The following CSMD2 variants were observed in gnomAD, a reference collection of about 807,000 sequenced individuals.
CSMD2 encodes the protein CUB and Sushi multiple domains 2, also known as CUB and sushi domain-containing protein 2.
In CSMD2, 130 loss-of-function variants were observed where a neutral mutation model predicts 398.5. The ratio of observed to expected loss-of-function variants is 0.33; its 90% CI spans 0.28 to 0.38. CSMD2 has a LOEUF of 0.38. CSMD2 is among the 10% of genes least tolerant of loss of function. CSMD2 has a pLI of 1.00. For missense variants in CSMD2, 3,829 were observed against 4,764.9 expected (o/e 0.80, Z 5.78); for synonymous variants, 1,828 against 1,908.5 (o/e 0.96, Z 1.10).
intron 25 of CSMD2, among the ~76,000 whole-genome samples, chr1:33,675,552 C>T (rs1264245261): frequency 4.6e-5 from 7 of 152,214 alleles, no homozygotes; most frequent in African/African-American, 1.4e-4. Context: ...GGTACCATTA[C>T]TTCTGAAACT....
At chr1:33,790,142 C>T (rs1654053247) in intron 11 of CSMD2, among the ~76,000 whole-genome samples, 1 of 152,150 alleles carries the variant, frequency 6.6e-6, no homozygotes, top group African/African-American at 2.4e-5. Context: ...GGTCAGTAAA[C>T]TAGGGCAGAA....
At chr1:33,719,893 A>C (rs1370169070) in intron 19 of CSMD2, among the ~76,000 whole-genome samples, 2 of 152,196 alleles carry the variant, frequency 1.3e-5, no homozygotes, top group East Asian at 3.8e-4. Flanking sequence ...CCCTTTGCTC[A>C]ACTCATCTAA....
intron 5 of CSMD2, among the ~76,000 whole-genome samples, chr1:33,885,926 C>A (rs947540347): frequency 2.0e-5 from 3 of 152,032 alleles, no homozygotes; most frequent in Admixed American, 6.6e-5. Flanking sequence ...GGCTCAATTT[C>A]CTCATGTGTC....
At chr1:33,799,553 G>T (rs187916493) in intron 10 of CSMD2, among the ~76,000 whole-genome samples, 577 of 152,320 alleles carry the variant, frequency 3.8e-3, no homozygotes, top group Non-Finnish European at 6.8e-3. Flanking sequence ...ACTTTATTGG[G>T]AGTGTGGCAA....
chr1:34,009,009 A>G (rs1570794056), intron 3 of CSMD2, among the ~76,000 whole-genome samples: 1 of 151,646 alleles, frequency 6.6e-6, no homozygotes, highest in Admixed American at 6.6e-5. Context: ...TACCCCATCC[A>G]CCCTCTGACA....
intron 1 of CSMD2, among the ~76,000 whole-genome samples, chr1:34,137,579 C>G (rs1638881401): frequency 6.6e-6 from 1 of 152,194 alleles, no homozygotes; most frequent in Non-Finnish European, 1.5e-5. Flanking sequence ...CCTTTGAACT[C>G]TAGCCTGGGG....
intron 12 of CSMD2, among the ~76,000 whole-genome samples, chr1:33,776,053 G>A (rs927719599): frequency 6.6e-6 from 1 of 152,184 alleles, no homozygotes; most frequent in South Asian, 2.1e-4. Flanking sequence ...GAGAAGAGAA[G>A]GTGATATCAC....
chr1:33,681,338 G>A (rs182916285), intron 25 of CSMD2, among the ~76,000 whole-genome samples: 72 of 151,948 alleles, frequency 4.7e-4, no homozygotes, highest in African/African-American at 1.6e-3. Context: ...TTCTATGGGT[G>A]GTTTTCTTTA....
At chr1:33,616,314 T>C (rs1641383425) in intron 39 of CSMD2, among the ~76,000 whole-genome samples, 1 of 152,078 alleles carries the variant, frequency 6.6e-6, no homozygotes, top group South Asian at 2.1e-4. Flanking sequence ...CTCAGCTCAC[T>C]GCAACCTCCG....
chr1:34,079,188 C>T (rs911857491), intron 2 of CSMD2, among the ~76,000 whole-genome samples: 1 of 152,132 alleles, frequency 6.6e-6, no homozygotes, highest in Non-Finnish European at 1.5e-5. Flanking sequence ...TGTTTTTCCC[C>T]TAACATCAGG....
chr1:33,770,799 T>C (rs970177485), intron 13 of CSMD2, among the ~76,000 whole-genome samples: 1 of 152,190 alleles, frequency 6.6e-6, no homozygotes, highest in African/African-American at 2.4e-5. Context: ...ACCTATCTTC[T>C]TTCCTTCTCA....
At chr1:33,744,322 G>C (rs1647194430) in intron 13 of CSMD2, among the ~76,000 whole-genome samples, 1 of 152,168 alleles carries the variant, frequency 6.6e-6, no homozygotes, top group Admixed American at 6.5e-5. Flanking sequence ...TGATAGGTGT[G>C]CCATGGGATT....
rs189753722 is a variant in CSMD2 at position 33,672,157 on chromosome 1, G to A, written c.4053-9065C>T. On this transcript the variant is annotated intron_variant, in intron 25 of 70. Coordinates refer to ENST00000373381, the MANE Select transcript of CSMD2 (RefSeq NM_001281956.2). ...GGGTGCAGTGCACCGTGTGTGAGCC[G>A]AAGCAGGGCGAGGCATCGCCTCACC... Among the ~76,000 whole-genome samples, 266 of 152,320 alleles carry A rather than the reference G, an allele frequency of 1.7e-3. 1 individual carries two copies. Among genetic ancestry groups the A allele is most frequent in the Non-Finnish European group, 8.2e-4 (56 of 68,028 alleles).
intron 5 of CSMD2, among the ~76,000 whole-genome samples, chr1:33,850,276 T>C (rs552913800): frequency 6.6e-6 from 1 of 152,312 alleles, no homozygotes; most frequent in East Asian, 1.9e-4. Context: ...AGTTCATGTA[T>C]TCAGGAATAC....
chr1:33,919,071 G>T (rs1643864255), intron 4 of CSMD2, among the ~76,000 whole-genome samples: 1 of 152,192 alleles, frequency 6.6e-6, no homozygotes, highest in African/African-American at 2.4e-5. Context: ...GAAGCGCATG[G>T]GATGCTCTTG....
chr1:33,535,987 A>T (rs2148575133), intron 62 of CSMD2, among the ~76,000 whole-genome samples: 1 of 152,172 alleles, frequency 6.6e-6, no homozygotes, highest in South Asian at 2.1e-4. Context: ...TATCATCTTC[A>T]GCCAGGCAGC....
chr1:33,713,032 C>T (rs1646045412), intron 21 of CSMD2, among the ~76,000 whole-genome samples: 1 of 152,186 alleles, frequency 6.6e-6, no homozygotes, highest in Admixed American at 6.5e-5. Context: ...TGGCAAAATG[C>T]TGATAATTAT....
At chr1:33,634,531 G>C (rs937581492) in intron 31 of CSMD2, among the ~76,000 whole-genome samples, 2 of 152,162 alleles carry the variant, frequency 1.3e-5, no homozygotes, top group African/African-American at 4.8e-5. Context: ...AGGAGATCCA[G>C]GAAGAAAGAA....
At chr1:33,702,419 T>C (rs1402366667) in intron 22 of CSMD2, among the ~76,000 whole-genome samples, 2 of 152,136 alleles carry the variant, frequency 1.3e-5, no homozygotes. Flanking sequence ...TCCTAATTCA[T>C]CAAGAACAAA....
Sources: gnomAD v4.1 joint callset for allele counts (sites outside exome capture counted in the v4.1 genomes callset) on GRCh38, gnomAD v4.1.1 for gene constraint, MANE v1.5 for transcripts, NCBI Gene and HGNC (gene_info 2026-07-23, HGNC 2026-07-21) for gene names.